Variants in CEP112 observed in about 807,000 individuals in gnomAD.
The protein encoded by CEP112 is centrosomal protein of 112 kDa.
CEP112 carries 127 observed loss-of-function variants against 153.0 expected under a neutral mutation model. The observed-to-expected ratio is 0.83, with a 90% confidence interval of 0.72 to 0.96. CEP112 has a LOEUF of 0.96. Among genes scored for constraint, CEP112 ranks in the 40% least tolerant of loss-of-function variants. The pLI is 0.00. For missense variants in CEP112, 1,089 were observed against 1,101.2 expected (o/e 0.99, Z 0.16); for synonymous variants, 358 against 374.4 (o/e 0.96, Z 0.51).
At position 65,973,078 on chromosome 17, in the gene CEP112, T is replaced by C. The variant is rs139488859; in HGVS notation, c.1737-11480A>G. Among the ~76,000 whole-genome samples the C allele has an allele frequency of 2.8e-4, 43 of 152,366 alleles. No individual in the cohort carries two copies. In the East Asian group the frequency reaches 7.7e-3, roughly 27 times the overall value. On this transcript the variant is annotated intron_variant, in intron 17 of 26. Coordinates refer to ENST00000535342, the MANE Select transcript of CEP112 (RefSeq NM_001199165.4). Reference sequence around the variant, plus strand: ...ACTGCTCCCAGCCTGAGAAAAAATTTGAATCCTTACTTCTTCCCAGTATAT... The same window carrying C: ...ACTGCTCCCAGCCTGAGAAAAAATTCGAATCCTTACTTCTTCCCAGTATAT...
At position 65,920,520 on chromosome 17, in the gene CEP112, T is replaced by A. The variant is rs576595841; in HGVS notation, c.1980+7062A>T. 3.4e-5 allele frequency among the ~76,000 whole-genome samples: 5 copies of A among 148,544 alleles called. No homozygotes were observed. The South Asian group carries it at 8.6e-4, about 25-fold the overall frequency. On this transcript the variant is annotated intron_variant, in intron 19 of 26. Transcript: ENST00000535342. ...AGAGTAGTGCCTGGTCCAGGGTAGA[T>A]CCTAATAACTGTGGGCTTTTAGGAT... is the stretch of plus-strand genomic sequence containing the variant.
chr17:65,655,364 C>G (rs926855781), intron 24 of CEP112: 1 of 1,560,214 alleles, frequency 6.4e-7, no homozygotes, highest in African/African-American at 1.4e-5. Flanking sequence ...CTAAAGAAGA[C>G]TACGAAAGGA....
chr17:66,044,789 T>C (rs549620277), intron 12 of CEP112, among the ~76,000 whole-genome samples: 1 of 152,302 alleles, frequency 6.6e-6, no homozygotes, highest in Admixed American at 6.5e-5. Flanking sequence ...ATAGTTGCAC[T>C]ACAGTGTAAA....
At chr17:65,684,049 A>C (rs2047666702) in intron 24 of CEP112, among the ~76,000 whole-genome samples, 1 of 152,120 alleles carries the variant, frequency 6.6e-6, no homozygotes, top group Middle Eastern at 3.2e-3. Context: ...TTAAAAACAA[A>C]AACAAAAACA....
chr17:66,151,198 T>C (rs1305241585), intron 4 of CEP112, among the ~76,000 whole-genome samples: 1 of 152,242 alleles, frequency 6.6e-6, no homozygotes, highest in African/African-American at 2.4e-5. Context: ...TGTAATTATT[T>C]ATGGTTCTAT....
chr17:65,966,320 A>G (rs1406615022), intron 17 of CEP112, among the ~76,000 whole-genome samples: 1 of 152,348 alleles, frequency 6.6e-6, no homozygotes, highest in Non-Finnish European at 1.5e-5. Context: ...CTAATGGATG[A>G]CAGTTTAGTA....
intron 21 of CEP112, among the ~76,000 whole-genome samples, chr17:65,818,340 C>A (rs1431955643): frequency 1.3e-5 from 2 of 151,918 alleles, no homozygotes; most frequent in South Asian, 2.1e-4. Flanking sequence ...TTGCAGAACA[C>A]CAAAAGCCAC....
At chr17:65,938,448 A>G (rs937054858) in intron 18 of CEP112, among the ~76,000 whole-genome samples, 6 of 151,720 alleles carry the variant, frequency 4.0e-5, no homozygotes, top group Non-Finnish European at 5.9e-5. Context: ...AAAAAAAAAT[A>G]CCATAACATA....
intron 23 of CEP112, among the ~76,000 whole-genome samples, chr17:65,720,716 C>T (rs62063588): frequency 0.11 from 16,233 of 152,190 alleles, 1,086 homozygotes; most frequent in South Asian, 0.22. Context: ...TATCTCAACA[C>T]TTATTGAATA....
intron 24 of CEP112, chr17:65,688,889 T>A (rs2047951914): frequency 3.0e-6 from 1 of 334,164 alleles, no homozygotes; most frequent in African/African-American, 2.2e-5. Flanking sequence ...TGCCTCAGCC[T>A]CCCAAGTAAC....
chr17:65,937,622 G>C (rs1442041711), intron 18 of CEP112, among the ~76,000 whole-genome samples: 2 of 95,786 alleles, frequency 2.1e-5, no homozygotes, highest in Non-Finnish European at 4.3e-5. Flanking sequence ...GAGGTGGGGG[G>C]GTCAGCCCCC....
chr17:66,114,092 T>A (rs1485117969), intron 6 of CEP112, among the ~76,000 whole-genome samples: 1 of 152,200 alleles, frequency 6.6e-6, no homozygotes, highest in East Asian at 1.9e-4. Context: ...AAGAAAATAT[T>A]GTATAGAAAG....
chr17:66,139,083 A>T (rs2070570901), intron 4 of CEP112, among the ~76,000 whole-genome samples: 1 of 152,092 alleles, frequency 6.6e-6, no homozygotes, highest in Non-Finnish European at 1.5e-5. Flanking sequence ...AAAAGAACAA[A>T]CTAAACTCAA....
chr17:65,846,485 A>G (rs1282106473), intron 21 of CEP112, among the ~76,000 whole-genome samples: 1 of 152,268 alleles, frequency 6.6e-6, no homozygotes, highest in East Asian at 1.9e-4. Context: ...TCAAATGTGG[A>G]TAAATCAATA....
chr17:65,830,472 C>T (rs1175743614), intron 21 of CEP112, among the ~76,000 whole-genome samples: 1 of 152,202 alleles, frequency 6.6e-6, no homozygotes, highest in East Asian at 1.9e-4. Flanking sequence ...TCTTGTCCCA[C>T]AGGAACTAAT....
chr17:66,181,721 G>T (rs1297130695), intron 2 of CEP112, among the ~76,000 whole-genome samples: 1 of 152,090 alleles, frequency 6.6e-6, no homozygotes, highest in African/African-American at 2.4e-5. Context: ...TTTACAATGA[G>T]AAATTTTAAT....
intron 10 of CEP112, among the ~76,000 whole-genome samples, chr17:66,066,149 C>T (rs911128507): frequency 6.6e-6 from 1 of 152,114 alleles, no homozygotes; most frequent in East Asian, 1.9e-4. Flanking sequence ...GTAGATGTTT[C>T]GACCCATAAT....
chr17:65,871,222 A>G (rs943208976), intron 20 of CEP112, among the ~76,000 whole-genome samples: 5 of 152,206 alleles, frequency 3.3e-5, no homozygotes, highest in Non-Finnish European at 1.5e-5. Context: ...AGTGGATTCC[A>G]GTGGCTGCCT....
intron 17 of CEP112, among the ~76,000 whole-genome samples, chr17:65,965,817 C>T (rs1206032554): frequency 1.3e-5 from 2 of 152,086 alleles, no homozygotes; most frequent in African/African-American, 4.8e-5. Flanking sequence ...TGCACCTGGC[C>T]CCTCTGTCTT....
Sources: gnomAD v4.1 joint callset for allele counts (sites outside exome capture counted in the v4.1 genomes callset) on GRCh38, gnomAD v4.1.1 for gene constraint, MANE v1.5 for transcripts, NCBI Gene and HGNC (gene_info 2026-07-23, HGNC 2026-07-21) for gene names.